Variants in SPDYA observed in about 807,000 individuals in gnomAD.
The protein encoded by SPDYA is speedy/RINGO cell cycle regulator family member A, also known as speedy protein A.
Under a neutral mutation model 36.7 loss-of-function variants are expected in SPDYA, and 11 were observed. That is an observed-to-expected ratio of 0.30 (90% CI 0.19 to 0.50). SPDYA has a LOEUF of 0.50. Ranked by LOEUF, SPDYA falls within the 20% of genes least tolerant of loss-of-function variation. The probability of loss-of-function intolerance (pLI) is 0.98; values close to 1 mark genes in which losing one functional copy is unlikely to be tolerated. For synonymous variants in SPDYA, 115 were observed against 118.7 expected (o/e 0.97, Z 0.20); for missense variants, 287 against 370.9 (o/e 0.77, Z 1.86).
At chr2:28,836,780 ATTTC>A (rs752403369) in intron 6 of SPDYA, among the ~76,000 whole-genome samples, 4 of 152,152 alleles carry the variant, frequency 2.6e-5, no homozygotes, top group Admixed American at 1.3e-4. Context: ...AGAGTGGACT[ATTTC>A]TTTGTTTATT....
chr2:28,812,530 A>AT (rs1369239642), intron 1 of SPDYA, among the ~76,000 whole-genome samples: 1 of 152,066 alleles, frequency 6.6e-6, no homozygotes, highest in African/African-American at 2.4e-5. Flanking sequence ...TCCTGGTATG[A>AT]TTTTTTTAAT....
intron 7 of SPDYA, among the ~76,000 whole-genome samples, chr2:28,848,807 G>T (rs747950127): frequency 6.6e-6 from 1 of 152,104 alleles, no homozygotes; most frequent in Non-Finnish European, 1.5e-5. Context: ...ACTTTGGGAG[G>T]TCAAGGCAGA....
chr2:28,819,907 A>T (rs1668113936), intron 4 of SPDYA, among the ~76,000 whole-genome samples: 5 of 111,586 alleles, frequency 4.5e-5, no homozygotes, highest in Admixed American at 3.2e-4. Context: ...TATATATTTT[A>T]TCCTGAGGCA....
intron 3 of SPDYA, 74 bp from the exon 4 acceptor site, chr2:28,818,972 CTT>C: frequency 8.4e-7 from 1 of 1,185,212 alleles, no homozygotes; most frequent in East Asian, 2.4e-5. Flanking sequence ...TGTATAATCT[CTT>C]GACATAGAAA....
At chr2:28,845,729 G>C (rs1668855398) in intron 7 of SPDYA, among the ~76,000 whole-genome samples, 1 of 151,950 alleles carries the variant, frequency 6.6e-6, no homozygotes, top group South Asian at 2.1e-4. Context: ...ATTTTTAGTA[G>C]AGACAGGGTT....
At chr2:28,849,770 G>T in intron 7 of SPDYA, 80 bp from the exon 8 acceptor site, 1 of 743,776 alleles carries the variant, frequency 1.3e-6, no homozygotes, top group Non-Finnish European at 2.1e-6. Context: ...TATTTTTTAA[G>T]ACATATACAA....
chr2:28,820,966 C>G (rs1247082857), intron 4 of SPDYA, among the ~76,000 whole-genome samples: 4 of 152,142 alleles, frequency 2.6e-5, no homozygotes, highest in Non-Finnish European at 5.9e-5. Flanking sequence ...AATAGATCAA[C>G]TGTGGCTGTT....
At chr2:28,812,229 G>C (rs971533991) in intron 1 of SPDYA, among the ~76,000 whole-genome samples, 1 of 152,148 alleles carries the variant, frequency 6.6e-6, no homozygotes, top group Non-Finnish European at 1.5e-5. Context: ...ACATTCATCA[G>C]TGTCTGGCAC....
At chr2:28,825,525 A>G (rs1668294799) in intron 5 of SPDYA, among the ~76,000 whole-genome samples, 1 of 152,168 alleles carries the variant, frequency 6.6e-6, no homozygotes, top group Non-Finnish European at 1.5e-5. Flanking sequence ...CCATAGTTCT[A>G]AAGCTCAAGT....
chr2:28,823,726 T>C (rs1361181381), intron 5 of SPDYA, among the ~76,000 whole-genome samples: 14 of 107,728 alleles, frequency 1.3e-4, no homozygotes, highest in Non-Finnish European at 2.4e-4. Flanking sequence ...TATATATATA[T>C]ATATATATAT....
At chr2:28,814,455 C>T (rs563062308) in intron 1 of SPDYA, among the ~76,000 whole-genome samples, 158 bp from the exon 2 acceptor site, 1 of 152,122 alleles carries the variant, frequency 6.6e-6, no homozygotes, top group Non-Finnish European at 1.5e-5. Context: ...GTTAAAATGG[C>T]CTTTTGGACA....
rs142885879 is a variant in SPDYA at position 28,840,381 on chromosome 2, G to A, written c.762G>A (p.Gly254=). ...CATCTTTATCCAGTCATACAGCAGG[G>A]GTGACAGAAAAACATTCTCAGGACT... ...SSSSLSSHTA[G]VTEKHSQDSY... Residue 254 remains glycine (G), a synonymous_variant, in exon 7 of 8, where the codon GGG becomes GGA. Coordinates refer to ENST00000334056, the MANE Select transcript of SPDYA (RefSeq NM_182756.4). The A allele has an allele frequency of 2.4e-5, 39 of 1,611,882 alleles. No individual in the cohort carries two copies. The African/African-American group carries it at 4.8e-4, about 20-fold the overall frequency.
chr2:28,831,928 A>T (rs1476233622), intron 6 of SPDYA, among the ~76,000 whole-genome samples: 3 of 152,326 alleles, frequency 2.0e-5, no homozygotes, highest in Admixed American at 2.0e-4. Context: ...TTTCTCAAGG[A>T]CATCACATTC....
In SPDYA at chr2:28,850,114, C is replaced by G. The variant is rs1669008053; in HGVS notation, c.*173C>G. On this transcript the variant is annotated 3_prime_UTR_variant, in exon 8 of 8. Transcript: ENST00000334056. ...AAGTCATAGTAATAGCTAAAAATGC[C>G]AATCTATGGAAGCAGTGATTTTCAA... 2 of 1,338,868 alleles carry G rather than the reference C, an allele frequency of 1.5e-6. No homozygotes were observed. Among genetic ancestry groups the G allele is most frequent in the African/African-American group, 3.0e-5 (2 of 67,598 alleles). The allele number at this position is 1,338,868 out of a possible 1,614,324, so 82.9% of individuals were successfully genotyped here.
intron 4 of SPDYA, among the ~76,000 whole-genome samples, chr2:28,819,754 C>G (rs1045775964): frequency 7.3e-6 from 1 of 137,656 alleles, no homozygotes; most frequent in Non-Finnish European, 1.5e-5. Context: ...AAGGCCAAGG[C>G]GAGAGGATCA....
At chr2:28,849,816 T>TA in intron 7 of SPDYA, 34 bp from the exon 8 acceptor site, 1 of 1,294,602 alleles carries the variant, frequency 7.7e-7, no homozygotes, top group South Asian at 1.3e-5. Flanking sequence ...GACAGATACA[T>TA]AAAATTTATC....
intron 6 of SPDYA, among the ~76,000 whole-genome samples, chr2:28,838,658 A>G (rs1415150396): frequency 6.6e-6 from 1 of 152,176 alleles, no homozygotes; most frequent in Non-Finnish European, 1.5e-5. Context: ...TGGAGAGACT[A>G]TGATGAACTT....
chr2:28,845,362 G>T (rs1490645362), intron 7 of SPDYA, among the ~76,000 whole-genome samples: 2 of 150,912 alleles, frequency 1.3e-5, no homozygotes, highest in Non-Finnish European at 3.0e-5. Context: ...TCCCAAAGTG[G>T]TGGGGTTACA....
intron 7 of SPDYA, among the ~76,000 whole-genome samples, chr2:28,843,648 A>T (rs1668803432): frequency 6.6e-6 from 1 of 151,744 alleles, no homozygotes; most frequent in Non-Finnish European, 1.5e-5. Context: ...CATCACAATC[A>T]CCAATCACAC....
Sources: allele counts gnomAD v4.1 joint callset (sites outside exome capture counted in the v4.1 genomes callset), GRCh38; gene constraint gnomAD v4.1.1; transcripts MANE v1.5; gene names NCBI Gene and HGNC (gene_info 2026-07-23, HGNC 2026-07-21).